The following DDC variants were observed in gnomAD, a reference collection of about 807,000 sequenced individuals.
The protein encoded by DDC is aromatic-L-amino-acid decarboxylase.
In DDC, 43 loss-of-function variants were observed where a neutral mutation model predicts 60.0. The observed-to-expected ratio is 0.72, with a 90% CI of 0.56 to 0.92. The LOEUF is 0.92. DDC is among the 40% of genes least tolerant of loss of function. The pLI, the probability that DDC is intolerant of heterozygous loss-of-function variation, is 0.00. For missense variants in DDC, 573 were observed against 620.2 expected (o/e 0.92, Z 0.81); for synonymous variants, 232 against 234.6 (o/e 0.99, Z 0.10).
At chr7:50,534,301 C>T (rs1365520877) in intron 4 of DDC, among the ~76,000 whole-genome samples, 2 of 152,142 alleles carry the variant, frequency 1.3e-5, no homozygotes, top group African/African-American at 2.4e-5. Context: ...CCTATAGTTT[C>T]TCCCACCACT....
intron 6 of DDC, among the ~76,000 whole-genome samples, chr7:50,513,877 G>A (rs1159471440): frequency 1.3e-5 from 2 of 151,602 alleles, no homozygotes; most frequent in East Asian, 1.9e-4. Flanking sequence ...CCTGGTGGTC[G>A]GTCCCTACCC....
At chr7:50,525,506 G>A (rs894705120) in intron 6 of DDC, among the ~76,000 whole-genome samples, 1 of 152,200 alleles carries the variant, frequency 6.6e-6, no homozygotes, top group African/African-American at 2.4e-5. Context: ...GCTCACTCCT[G>A]TAATCCCAGC....
chr7:50,463,963 C>T (rs1389998820), intron 13 of DDC, among the ~76,000 whole-genome samples: 2 of 152,074 alleles, frequency 1.3e-5, no homozygotes, highest in African/African-American at 4.8e-5. Flanking sequence ...AGAGGCCCCA[C>T]CCCTCCCACT....
chr7:50,459,201 C>G (rs867338618), intron 14 of DDC, among the ~76,000 whole-genome samples: 1 of 152,234 alleles, frequency 6.6e-6, no homozygotes, highest in Admixed American at 6.5e-5. Context: ...GCGAGTGATC[C>G]GCCAGCCTCG....
At chr7:50,486,159 A>G (rs1242527689) in intron 9 of DDC, among the ~76,000 whole-genome samples, 2 of 152,188 alleles carry the variant, frequency 1.3e-5, no homozygotes, top group Non-Finnish European at 2.9e-5. Context: ...TGGCTCATTT[A>G]CACCAAAAAA....
chr7:50,545,654 G>T (rs539236967), intron 1 of DDC, among the ~76,000 whole-genome samples: 3 of 152,156 alleles, frequency 2.0e-5, no homozygotes, highest in African/African-American at 7.2e-5. Context: ...TGTATTTTTA[G>T]TAGAGGCGGG....
At chr7:50,518,290 A>T (rs1196309619) in intron 6 of DDC, among the ~76,000 whole-genome samples, 1 of 152,192 alleles carries the variant, frequency 6.6e-6, no homozygotes, top group East Asian at 1.9e-4. Context: ...TAGAATCAAT[A>T]TTGTGAAAAT....
At chr7:50,467,795 G>C (rs891742489) in intron 12 of DDC, among the ~76,000 whole-genome samples, 6 of 152,192 alleles carry the variant, frequency 3.9e-5, no homozygotes, top group Non-Finnish European at 7.3e-5. Context: ...ACATGCCCAA[G>C]GTGCACCCGG....
intron 4 of DDC, among the ~76,000 whole-genome samples, chr7:50,535,377 C>T (rs1233523328): frequency 6.6e-6 from 1 of 152,220 alleles, no homozygotes; most frequent in Non-Finnish European, 1.5e-5. Flanking sequence ...AGACTCCTGA[C>T]CTCAGGTGAT....
chr7:50,472,284 A>ATTGT (rs1232734522), intron 11 of DDC, among the ~76,000 whole-genome samples: 1 of 152,164 alleles, frequency 6.6e-6, no homozygotes, highest in African/African-American at 2.4e-5. Context: ...TTTGTGGAAG[A>ATTGT]TTGTTGATGG....
At chr7:50,514,918 G>A (rs915049954) in intron 6 of DDC, among the ~76,000 whole-genome samples, 1 of 152,116 alleles carries the variant, frequency 6.6e-6, no homozygotes, top group African/African-American at 2.4e-5. Context: ...AAGAAGTCTG[G>A]GATTATGTTG....
intron 10 of DDC, among the ~76,000 whole-genome samples, chr7:50,479,358 C>T (rs957461181): frequency 6.6e-6 from 1 of 152,218 alleles, no homozygotes; most frequent in African/African-American, 2.4e-5. Context: ...TTTCTCTTCC[C>T]TCACCAACCC....
intron 1 of DDC, among the ~76,000 whole-genome samples, chr7:50,559,374 C>G (rs1305471090): frequency 6.6e-6 from 1 of 152,044 alleles, no homozygotes; most frequent in Non-Finnish European, 1.5e-5. Flanking sequence ...CCCTGAATGT[C>G]TTCCTCCAGA....
At chr7:50,511,245 A>C (rs1295851114) in intron 6 of DDC, among the ~76,000 whole-genome samples, 3 of 151,724 alleles carry the variant, frequency 2.0e-5, no homozygotes, top group Admixed American at 1.3e-4. Context: ...ATATATGTAT[A>C]TATGAGAGAG....
At chr7:50,458,892 AAAG>A (rs2042181414) in intron 14 of DDC, 49 bp from the exon 15 acceptor site, 1 of 150,444 alleles carries the variant, frequency 6.6e-6, no homozygotes, top group Admixed American at 6.6e-5. Context: ...TAAAAAAAAT[AAAG>A]AAGTCCCTCT....
intron 2 of DDC, among the ~76,000 whole-genome samples, chr7:50,541,067 C>G (rs374419570): frequency 2.1e-4 from 32 of 152,364 alleles, no homozygotes; most frequent in African/African-American, 7.5e-4. Context: ...CCCTCAGCCC[C>G]TGTGCATGGA....
chr7:50,486,873 C>T (rs2042889976), intron 9 of DDC, among the ~76,000 whole-genome samples: 1 of 152,190 alleles, frequency 6.6e-6, no homozygotes, highest in Admixed American at 6.5e-5. Flanking sequence ...CTGGTAACTA[C>T]TCTAAGTTCA....
chr7:50,552,057 A>G (rs2045014816), intron 1 of DDC, among the ~76,000 whole-genome samples: 1 of 152,236 alleles, frequency 6.6e-6, no homozygotes, highest in Non-Finnish European at 1.5e-5. Context: ...GACACATACC[A>G]CATACACCAA....
chr7:50,522,382 G>A (rs2043917465), intron 6 of DDC, among the ~76,000 whole-genome samples: 2 of 152,130 alleles, frequency 1.3e-5, no homozygotes, highest in Admixed American at 1.3e-4. Flanking sequence ...CCTATATAAA[G>A]TCCCAGAAAG....
Sources: gnomAD v4.1 joint callset for allele counts (sites outside exome capture counted in the v4.1 genomes callset) on GRCh38, gnomAD v4.1.1 for gene constraint, MANE v1.5 for transcripts, NCBI Gene and HGNC (gene_info 2026-07-23, HGNC 2026-07-21) for gene names.